The following DNAH14 variants were observed in gnomAD, a reference collection of about 807,000 sequenced individuals.
The protein encoded by DNAH14 is dynein axonemal heavy chain 14.
DNAH14 carries 478 observed loss-of-function variants against 520.9 expected under a neutral mutation model. The observed-to-expected ratio is 0.92, with a 90% confidence interval of 0.85 to 0.99. The LOEUF (loss-of-function observed/expected upper bound fraction) is 0.99, where lower values mean the gene tolerates loss of function less well. Ranked by LOEUF, DNAH14 falls within the 50% of genes least tolerant of loss-of-function variation. The probability of loss-of-function intolerance (pLI) is 0.00; values close to 1 mark genes in which losing one functional copy is unlikely to be tolerated. For synonymous variants in DNAH14, 1,581 were observed against 1,757.2 expected (o/e 0.90, Z 2.51); for missense variants, 4,831 against 5,234.5 (o/e 0.92, Z 2.38).
At position 225,123,553 on chromosome 1, in the gene DNAH14, G is replaced by A; in HGVS notation, c.4193G>A (p.Trp1398Ter). ...TTTTTAAGTCAAGGGATTGAAGACT[G>A]GAACTGCCAGATGTTTTCCCAATGG... ...KKFLSQGIED[W>*]NCQMFSQWVL... The change falls in exon 27 of 86, where the codon TGG becomes TAG. Residue 1398 changes from tryptophan to a stop codon, truncating the protein, a stop_gained. Coordinates refer to ENST00000682510, the MANE Select transcript of DNAH14 (RefSeq NM_001367479.1). LOFTEE classifies it high-confidence loss of function. The A allele has an allele frequency of 2.3e-6, 1 of 432,578 alleles. No individual in the cohort carries two copies. Among genetic ancestry groups the A allele is most frequent in the South Asian group, 1.8e-5 (1 of 54,826 alleles). 26.8% of individuals were successfully genotyped at this position (432,578 alleles called of 1,614,324 possible).
At chr1:224,933,708 C>T (rs1237444243) in intron 1 of DNAH14, among the ~76,000 whole-genome samples, 1 of 151,910 alleles carries the variant, frequency 6.6e-6, no homozygotes, top group Non-Finnish European at 1.5e-5. Flanking sequence ...GTCCTTCATT[C>T]TATGTGATGT....
chr1:224,945,726 C>T (rs545223011), intron 1 of DNAH14, among the ~76,000 whole-genome samples: 1,929 of 151,930 alleles, frequency 0.013, no homozygotes, highest in Non-Finnish European at 0.021. Context: ...CCCTCAGGTG[C>T]AGGTCTGTTG....
At chr1:225,355,089 G>A (rs2095415035) in intron 73 of DNAH14, among the ~76,000 whole-genome samples, 1 of 151,932 alleles carries the variant, frequency 6.6e-6, no homozygotes, top group South Asian at 2.1e-4. Flanking sequence ...AAAATAGATT[G>A]CTAAAACCCA....
chr1:225,398,664 A>G lies in DNAH14; in HGVS notation c.13636A>G (p.Lys4546Glu). ...TCCCGACATATACTTTTTGCCAACAAAGGTAATCACCCTGCTATTATCCTG... is the reference window on the plus strand; with the variant it reads ...TCCCGACATATACTTTTTGCCAACAGAGGTAATCACCCTGCTATTATCCTG... ...DFPDIYFLPT[K>E]ISTKTPNASN... The change falls in exon 85 of 86, where the codon AAG becomes GAG. Residue 4546 changes from lysine (K) to glutamate (E), a missense_variant and splice_region_variant. Physicochemically the swap from Lys to Glu is moderately conservative, Grantham distance 56 (BLOSUM62 1). Coordinates refer to ENST00000682510, the MANE Select transcript of DNAH14 (RefSeq NM_001367479.1). 6.4e-7 allele frequency: 1 copy of G among 1,551,680 alleles called. No individual in the cohort carries two copies. The highest frequency in any genetic ancestry group is 8.7e-7 in the Non-Finnish European group (1 of 1,146,952).
chr1:224,963,070 A>G (rs769706744), intron 4 of DNAH14, among the ~76,000 whole-genome samples: 3 of 152,058 alleles, frequency 2.0e-5, no homozygotes, highest in Non-Finnish European at 4.4e-5. Flanking sequence ...ATATTTTTCC[A>G]TATGTTTATG....
At chr1:225,317,174 A>G (rs1377096417) in intron 60 of DNAH14, among the ~76,000 whole-genome samples, 3 of 152,152 alleles carry the variant, frequency 2.0e-5, no homozygotes, top group African/African-American at 7.2e-5. Context: ...TATTTTCATT[A>G]ATGTCAATAT....
At chr1:224,978,378 C>T (rs781402000) in intron 8 of DNAH14, among the ~76,000 whole-genome samples, 2 of 152,162 alleles carry the variant, frequency 1.3e-5, no homozygotes, top group Non-Finnish European at 2.9e-5. Context: ...GTTTGGAGGA[C>T]ATCATGTTAA....
At chr1:225,089,627 G>A (rs985625340) in intron 21 of DNAH14, among the ~76,000 whole-genome samples, 2 of 151,994 alleles carry the variant, frequency 1.3e-5, no homozygotes, top group East Asian at 3.9e-4. Flanking sequence ...AGAGAATGTT[G>A]TATTATTACC....
intron 17 of DNAH14, among the ~76,000 whole-genome samples, chr1:225,058,324 G>A (rs753834949): frequency 1.4e-4 from 21 of 152,204 alleles, no homozygotes; most frequent in Non-Finnish European, 2.6e-4. Flanking sequence ...GTGTAGAAGT[G>A]TTGATAGTAT....
rs771141872 is a variant in DNAH14, at chr1:225,051,630, T to A, written c.2259T>A (p.Tyr753Ter). The change falls in exon 17 of 86, where the codon TAT becomes TAA. Residue 753 changes from tyrosine to a stop codon, truncating the protein, a stop_gained. Transcript: ENST00000682510. LOFTEE classifies it high-confidence loss of function. Reference sequence around the variant, plus strand: ...CTATTCTAAATAGATTCAGAAACTATTTTAGACATATTGTGAATATGGCCA... The same window carrying A: ...CTATTCTAAATAGATTCAGAAACTAATTTAGACATATTGTGAATATGGCCA... ...FEAILNRFRNYFRHIVNMAIE... is the reference protein window; with the variant it reads ...FEAILNRFRN 3.2e-6 allele frequency: 5 copies of A among 1,551,018 alleles called. No homozygotes were observed. In the South Asian group the frequency reaches 6.0e-5, roughly 18 times the overall value.
At chr1:225,012,831 G>A (rs2064900782) in intron 10 of DNAH14, among the ~76,000 whole-genome samples, 1 of 152,106 alleles carries the variant, frequency 6.6e-6, no homozygotes, top group Admixed American at 6.6e-5. Flanking sequence ...ATGTTCTTCT[G>A]TAAACTGGTT....
chr1:225,331,661 G>GTATCATATACCTTCTAAA, intron 65 of DNAH14, 84 bp downstream of exon 65: 1 of 1,510,870 alleles, frequency 6.6e-7, no homozygotes, highest in Non-Finnish European at 9.0e-7. Flanking sequence ...ACTGCAGGCT[G>GTATCATATACCTTCTAAA]TATCATATAC....
chr1:225,357,723 G>A (rs1270850562), intron 73 of DNAH14: 31 of 691,090 alleles, frequency 4.5e-5, no homozygotes, highest in Non-Finnish European at 8.1e-5. Flanking sequence ...TTTTTGAAAG[G>A]TAAAAATGGC....
intron 58 of DNAH14, among the ~76,000 whole-genome samples, chr1:225,305,948 A>G (rs1472821798): frequency 3.3e-5 from 5 of 152,228 alleles, no homozygotes; most frequent in African/African-American, 4.8e-5. Context: ...CACTTGGAGG[A>G]TAGACCACAG....
chr1:225,350,037 C>G (rs1455444479), intron 71 of DNAH14, among the ~76,000 whole-genome samples: 1 of 152,152 alleles, frequency 6.6e-6, no homozygotes, highest in Non-Finnish European at 1.5e-5. Context: ...AGATAGACCA[C>G]ATGTTAGACC....
At chr1:225,343,784 A>G (rs1365266097) in intron 69 of DNAH14, among the ~76,000 whole-genome samples, 1 of 123,272 alleles carries the variant, frequency 8.1e-6, no homozygotes, top group Non-Finnish European at 1.7e-5. Context: ...AGGCTTCTGT[A>G]TCTGTTTTTT....
At chr1:225,282,184 C>T (rs1456481987) in intron 54 of DNAH14, among the ~76,000 whole-genome samples, 2 of 152,192 alleles carry the variant, frequency 1.3e-5, no homozygotes, top group African/African-American at 4.8e-5. Context: ...CAGGGCCAAA[C>T]ACACCGATGG....
chr1:225,176,419 A>G (rs555756271), intron 36 of DNAH14, among the ~76,000 whole-genome samples: 1 of 152,132 alleles, frequency 6.6e-6, no homozygotes, highest in African/African-American at 2.4e-5. Flanking sequence ...AATAATGTCT[A>G]TGTTATATCT....
At chr1:225,002,633 C>T in intron 8 of DNAH14, 150 bp from the exon 9 acceptor site, 2 of 779,850 alleles carry the variant, frequency 2.6e-6, no homozygotes, top group Non-Finnish European at 2.0e-6. Flanking sequence ...AACACAACCC[C>T]TAATGCTTAC....
Sources: gnomAD v4.1 joint callset for allele counts (sites outside exome capture counted in the v4.1 genomes callset) on GRCh38, gnomAD v4.1.1 for gene constraint, MANE v1.5 for transcripts, NCBI Gene and HGNC (gene_info 2026-07-23, HGNC 2026-07-21) for gene names.